The following SF3B1 variants were observed in gnomAD, a reference collection of about 807,000 sequenced individuals.
SF3B1 encodes the protein pre-mRNA processing 10.
In SF3B1, 12 loss-of-function variants were observed where a neutral mutation model predicts 153.8. The observed-to-expected ratio is 0.08, with a 90% CI of 0.05 to 0.13. SF3B1 has a LOEUF of 0.13. SF3B1 is among the 10% of genes least tolerant of loss of function. The pLI, the probability that SF3B1 is intolerant of heterozygous loss-of-function variation, is 1.00. For missense variants in SF3B1, 513 were observed against 1,606.1 expected (o/e 0.32, Z 11.63); for synonymous variants, 498 against 525.2 (o/e 0.95, Z 0.71).
chr2:197,402,189 C>T lies in SF3B1; in HGVS notation c.2078-59G>A, dbSNP rs2084942534. The T allele has an allele frequency of 2.6e-6, 4 of 1,536,148 alleles. No individual in the cohort carries two copies. The highest frequency in any genetic ancestry group is 3.5e-4 in the Middle Eastern group (2 of 5,694). On this transcript the variant is annotated intron_variant, in intron 14 of 24. Transcript: ENST00000335508. This position sits in a 1 kb window ranked among gnomAD's most constrained non-coding sequence, Gnocchi z 4.6. Reference sequence around the variant, plus strand: ...CAACATTACCTAAGTTACACAATATCATCCAGATTCTCTCAATATATCAAC... The same window carrying T: ...CAACATTACCTAAGTTACACAATATTATCCAGATTCTCTCAATATATCAAC...
Position 197,401,820 on chromosome 2 carries a change from G to A in SF3B1, c.2292C>T (p.Tyr764=), listed in dbSNP as rs2105984392. The part of the protein sequence containing the change: ...IPLMDAEYAN[Y]YTREVMLILI... Reference sequence around the variant, plus strand: ...GGATTAACATCACTTCTCTAGTATAGTAGTTGGCATATTCTGCATCCATAA... The same window carrying A: ...GGATTAACATCACTTCTCTAGTATAATAGTTGGCATATTCTGCATCCATAA... Residue 764 remains tyrosine (Y), a synonymous_variant, in exon 16 of 25, where the codon TAC becomes TAT. Transcript: ENST00000335508. The surrounding 1 kb of genome is among the most constrained non-coding windows in gnomAD (Gnocchi z 4.2). 2 of 1,612,204 alleles carry A rather than the reference G, an allele frequency of 1.2e-6. No individual in the cohort carries two copies. Among genetic ancestry groups the A allele is most frequent in the Non-Finnish European group, 1.7e-6 (2 of 1,178,942 alleles).
intron 1 of SF3B1, among the ~76,000 whole-genome samples, chr2:197,434,313 C>A (rs1439027644): frequency 6.6e-6 from 1 of 152,204 alleles, no homozygotes; most frequent in Non-Finnish European, 1.5e-5. Context: ...GATCAACTAG[C>A]TTGAAAGCTT....
At chr2:197,414,265 G>A (rs936553520) in intron 6 of SF3B1, among the ~76,000 whole-genome samples, 3 of 152,166 alleles carry the variant, frequency 2.0e-5, no homozygotes, top group African/African-American at 4.8e-5. Context: ...GAACAAATAC[G>A]CAAGTCTGCG....
Position 197,401,990 on chromosome 2 carries a change from C to T in SF3B1, c.2218G>A (p.Gly740Arg), listed in dbSNP as rs2084941067. 1 of 1,611,300 alleles carries T rather than the reference C, an allele frequency of 6.2e-7. No individual in the cohort carries two copies. Residue 740 changes from glycine to arginine, a missense_variant, in exon 15 of 25, where the codon GGA (glycine) becomes AGA (arginine). Transcript: ENST00000335508. The surrounding 1 kb of genome is among the most constrained non-coding windows in gnomAD (Gnocchi z 4.2). ...PLWKGIRQHR[G>R]KGLAAFLKAI... ...AAGGTAATTGGTGGATTTACCTTTC[C>T]TCTGTGTTGGCGGATACCCTTCCAT...
At position 197,402,542 on chromosome 2, in the gene SF3B1, AC is replaced by A; in HGVS notation, c.2077+13del. 2.5e-6 allele frequency: 4 copies of A among 1,599,776 alleles called. No individual in the cohort carries two copies. In the South Asian group the frequency reaches 4.5e-5, roughly 18 times the overall value. On this transcript the variant is annotated intron_variant, in intron 14 of 24. Transcript: ENST00000335508. This position sits in a 1 kb window ranked among gnomAD's most constrained non-coding sequence, Gnocchi z 4.6. ...AAGAAAAAAAAAAAAAGACAAAGTTACATTACAACTTACCATGTTCAATGAT... is the reference window on the plus strand; with the variant it reads ...AAGAAAAAAAAAAAAAGACAAAGTTAATTACAACTTACCATGTTCAATGAT...
At chr2:197,412,041 C>A (rs987053232) in intron 6 of SF3B1, among the ~76,000 whole-genome samples, 16 of 145,888 alleles carry the variant, frequency 1.1e-4, no homozygotes, top group African/African-American at 3.8e-4. Context: ...ACCCAGGAGG[C>A]GGAGGTTGCA....
At position 197,419,042 on chromosome 2, in the gene SF3B1, A is replaced by G. The variant is rs1168350828; in HGVS notation, c.416-454T>C. 3 of 974,686 alleles carry G rather than the reference A, an allele frequency of 3.1e-6. No homozygotes were observed. In the African/African-American group the frequency reaches 4.9e-5, roughly 16 times the overall value. 60.4% of individuals were successfully genotyped at this position (974,686 alleles called of 1,614,324 possible). A position where few individuals can be genotyped will look rare whatever the true frequency, so the allele number is the denominator to read the frequency against. ...GTTGCAAGCTGTTAAAATCCTGACT[A>G]CAAATAACTATGACTAGATAAGTTC... On this transcript the variant is annotated intron_variant, in intron 4 of 24. Transcript: ENST00000335508.
At chr2:197,407,364 G>A (rs953456521) in intron 9 of SF3B1, among the ~76,000 whole-genome samples, 1 of 152,098 alleles carries the variant, frequency 6.6e-6, no homozygotes, top group Non-Finnish European at 1.5e-5. Context: ...CAGCACTTTG[G>A]GAGGCTGAGA....
intron 6 of SF3B1, among the ~76,000 whole-genome samples, chr2:197,415,510 TC>T (rs1207368785): frequency 4.6e-5 from 7 of 152,066 alleles, no homozygotes; most frequent in African/African-American, 1.7e-4. Context: ...TGCCTTGGCC[TC>T]CCAAAATGCT....
intron 2 of SF3B1, 96 bp from the exon 3 acceptor site, chr2:197,421,229 AT>A (rs1404343843): frequency 1.3e-6 from 1 of 798,874 alleles, no homozygotes; most frequent in East Asian, 2.6e-5. Flanking sequence ...CAAAAGATCT[AT>A]TGACAGTGTG....
intron 1 of SF3B1, among the ~76,000 whole-genome samples, chr2:197,432,188 C>G (rs1022292331): frequency 6.6e-6 from 1 of 152,150 alleles, no homozygotes; most frequent in Admixed American, 6.6e-5. Context: ...TATAACTATT[C>G]CAGCCATTTA....
chr2:197,428,962 C>G (rs553049779), intron 1 of SF3B1, among the ~76,000 whole-genome samples: 11 of 151,804 alleles, frequency 7.2e-5, no homozygotes, highest in Admixed American at 2.0e-4. Flanking sequence ...CACAGTGAAA[C>G]TCCATCTCAA....
chr2:197,411,571 C>A (rs1363541493), intron 6 of SF3B1, among the ~76,000 whole-genome samples: 2 of 151,754 alleles, frequency 1.3e-5, no homozygotes, highest in Non-Finnish European at 2.9e-5. Flanking sequence ...ACTCGGGAGG[C>A]TGAGGCAGGA....
intron 1 of SF3B1, among the ~76,000 whole-genome samples, chr2:197,433,407 T>C (rs559290598): frequency 6.6e-6 from 1 of 152,348 alleles, no homozygotes; most frequent in South Asian, 2.1e-4. Flanking sequence ...ATACTGAAGT[T>C]ACCAATAAAT....
At chr2:197,420,994 G>C (rs1305142544) in intron 3 of SF3B1, 35 bp downstream of exon 3, 1 of 1,341,996 alleles carries the variant, frequency 7.5e-7, no homozygotes, top group Non-Finnish European at 1.1e-6. Flanking sequence ...CTTTTCTTTA[G>C]CTGAATAAAC....
At chr2:197,433,146 T>TC (rs2085467792) in intron 1 of SF3B1, among the ~76,000 whole-genome samples, 1 of 152,260 alleles carries the variant, frequency 6.6e-6, no homozygotes, top group Non-Finnish European at 1.5e-5. Flanking sequence ...ACAAGCTATG[T>TC]CAGTATTATG....
At chr2:197,420,642 T>C (rs1214721180) in intron 3 of SF3B1, 100 bp from the exon 4 acceptor site, 1 of 673,620 alleles carries the variant, frequency 1.5e-6, no homozygotes, top group Non-Finnish European at 2.6e-6. Flanking sequence ...AAATGTTTAA[T>C]ACATGCCTAC....
intron 2 of SF3B1, among the ~76,000 whole-genome samples, chr2:197,421,553 T>G (rs957944680): frequency 1.3e-5 from 2 of 152,290 alleles, no homozygotes; most frequent in African/African-American, 2.4e-5. Flanking sequence ...AATTTTAAAT[T>G]TATTTGCCCC....
chr2:197,420,373 A>G (rs1326048735), intron 4 of SF3B1, 55 bp downstream of exon 4: 1 of 1,355,546 alleles, frequency 7.4e-7, no homozygotes, highest in Non-Finnish European at 1.1e-6. Context: ...AGGGCTAAAG[A>G]CAACTTAATA....
Sources: allele counts gnomAD v4.1 joint callset (sites outside exome capture counted in the v4.1 genomes callset), GRCh38; gene constraint gnomAD v4.1.1; non-coding constraint Gnocchi (gnomAD v3.1); transcripts MANE v1.5; gene names NCBI Gene and HGNC (gene_info 2026-07-23, HGNC 2026-07-21).